The following TERT variants were observed in gnomAD, a reference collection of about 807,000 sequenced individuals.
TERT encodes the protein telomerase catalytic subunit.
Under a neutral mutation model 104.0 loss-of-function variants are expected in TERT, and 42 were observed. The ratio of observed to expected loss-of-function variants is 0.40; its 90% CI spans 0.32 to 0.52. TERT has a LOEUF of 0.52. TERT is among the 20% of genes least tolerant of loss of function. TERT has a pLI of 0.43. For synonymous variants in TERT, 781 were observed against 725.6 expected (o/e 1.08, Z -1.23); for missense variants, 1,101 against 1,610.3 (o/e 0.68, Z 5.41).
At position 1,255,334 on chromosome 5, in the gene TERT, G is replaced by C. The variant is rs1060503001; in HGVS notation, c.3110C>G (p.Ser1037Cys). 24 of 1,614,212 alleles carry C rather than the reference G, an allele frequency of 1.5e-5. No individual in the cohort carries two copies. The highest frequency in any genetic ancestry group is 1.9e-5 in the Non-Finnish European group (23 of 1,180,028). The change falls in exon 14 of 16, where the codon TCT (serine) becomes TGT (cysteine). Residue 1037 changes from serine (S) to cysteine (C), a missense_variant. Physicochemically the swap from Ser to Cys is moderately radical, Grantham distance 112 (BLOSUM62 -1). Around this residue, in one of 5 missense-constraint regions of TERT, gnomAD observed 463 missense variants for 797.5 expected, o/e 0.58. Transcript: ENST00000310581. The surrounding 1 kb of genome is among the most constrained non-coding windows in gnomAD (Gnocchi z 6.9). ...GGAGTAGCAGAGGGAGGCCGTGTCAGAGATGACGCGCAGGAAAAATGTGGG... is the reference window on the plus strand; with the variant it reads ...GGAGTAGCAGAGGGAGGCCGTGTCACAGATGACGCGCAGGAAAAATGTGGG... ...KNPTFFLRVI[S>C]DTASLCYSIL...
chr5:1,272,326 G>A (rs531673988), intron 6 of TERT, 46 bp from the exon 7 acceptor site: 34 of 1,497,090 alleles, frequency 2.3e-5, no homozygotes, highest in Non-Finnish European at 2.6e-5. Flanking sequence ...GGCCTGCCCC[G>A]GCCAGAGCTG....
chr5:1,271,958 C>A (rs1457469409), intron 7 of TERT, among the ~76,000 whole-genome samples: 1 of 152,260 alleles, frequency 6.6e-6, no homozygotes, highest in Non-Finnish European at 1.5e-5. Context: ...TGGAGAGAGG[C>A]CGCGCAGTCA....
In TERT at chr5:1,292,165, C is replaced by T. The variant is rs2126681193; in HGVS notation, c.1573+1148G>A. On this transcript the variant is annotated intron_variant, in intron 2 of 15. Coordinates refer to ENST00000310581, the MANE Select transcript of TERT (RefSeq NM_198253.3). This position sits in a 1 kb window ranked among gnomAD's most constrained non-coding sequence, Gnocchi z 5.5. ...AAAGAGCCCCAAGAAGGTCACCCTCCTTGTCTGCATGGCCGGAAGTCTTAC... is the reference window on the plus strand; with the variant it reads ...AAAGAGCCCCAAGAAGGTCACCCTCTTTGTCTGCATGGCCGGAAGTCTTAC... 6.6e-6 allele frequency among the ~76,000 whole-genome samples: 1 copy of T among 152,262 alleles called. No homozygotes were observed. The highest frequency in any genetic ancestry group is 1.9e-4 in the East Asian group (1 of 5,192).
Position 1,269,612 on chromosome 5 carries a change from CAA to C in TERT, c.2469-981_2469-980del, listed in dbSNP as rs773733492. On this transcript the variant is annotated intron_variant, in intron 8 of 15. Coordinates refer to ENST00000310581, the MANE Select transcript of TERT (RefSeq NM_198253.3). This position sits in a 1 kb window ranked among gnomAD's most constrained non-coding sequence, Gnocchi z 9.0. The stretch of plus-strand genomic sequence containing the variant: ...GGCAGACAACAGTGACGTTCCGTCT[CAA>C]AAAAAAAAAAAGAAAGAAAAGAAAA... 3.2e-5 allele frequency among the ~76,000 whole-genome samples: 4 copies of C among 123,744 alleles called. No individual in the cohort carries two copies. Among genetic ancestry groups the C allele is most frequent in the African/African-American group, 3.0e-5 (1 of 33,690 alleles). The allele number at this position is 123,744 out of a possible 152,430, so 81.2% of individuals were successfully genotyped here. A position where few individuals can be genotyped will look rare whatever the true frequency, so the allele number is the denominator to read the frequency against.
chr5:1,261,958 G>A lies in TERT; in HGVS notation c.2844-1358C>T, dbSNP rs982994081. Among the ~76,000 whole-genome samples the A allele has an allele frequency of 5.9e-5, 9 of 152,164 alleles. No homozygotes were observed. The highest frequency in any genetic ancestry group is 2.1e-4 in the South Asian group (1 of 4,828). ...ATGAATGTGCAGGACCTCACAGGGC[G>A]CCTTAAATAAATCACGTGCACAAAC... On this transcript the variant is annotated intron_variant, in intron 11 of 15. Transcript: ENST00000310581. This position sits in a 1 kb window ranked among gnomAD's most constrained non-coding sequence, Gnocchi z 7.4.
At chr5:1,260,396 G>GCA in intron 12 of TERT, 78 bp downstream of exon 12, 1 of 1,592,616 alleles carries the variant, frequency 6.3e-7, no homozygotes, top group Non-Finnish European at 8.6e-7. Flanking sequence ...TTGCAGGCAC[G>GCA]CGCGCACACA....
chr5:1,255,545 C>T lies in TERT; in HGVS notation c.3033-134G>A. 1.8e-6 allele frequency: 2 copies of T among 1,104,110 alleles called. No individual in the cohort carries two copies. The highest frequency in any genetic ancestry group is 2.7e-6 in the Non-Finnish European group (2 of 739,288). The allele number at this position is 1,104,110 out of a possible 1,614,324, so 68.4% of individuals were successfully genotyped here. A position where few individuals can be genotyped will look rare whatever the true frequency, so the allele number is the denominator to read the frequency against. On this transcript the variant is annotated intron_variant, in intron 13 of 15. Coordinates refer to ENST00000310581, the MANE Select transcript of TERT (RefSeq NM_198253.3). This position sits in a 1 kb window ranked among gnomAD's most constrained non-coding sequence, Gnocchi z 6.9. Reference sequence around the variant, plus strand: ...ATGGGTTTCCTCATGGGCACAGGTGCACACACACGGATGCATGCATGCATG... The same window carrying T: ...ATGGGTTTCCTCATGGGCACAGGTGTACACACACGGATGCATGCATGCATG...
In TERT at chr5:1,293,866, C is replaced by A. The variant is rs1325482375; in HGVS notation, c.1020G>T (p.Gln340His). The change falls in exon 2 of 16, where the codon CAG becomes CAT. Residue 340 changes from glutamine (Q) to histidine (H), a missense_variant. By Grantham distance (24) the Gln-to-His change is conservative. Transcript: ENST00000310581. ...HFLYSSGDKE[Q>H]LRPSFLLSSL... Reference sequence around the variant, plus strand: ...AGCTGAGTAGGAAGGAGGGCCGCAGCTGCTCCTTGTCGCCTGAGGAGTAGA... The same window carrying A: ...AGCTGAGTAGGAAGGAGGGCCGCAGATGCTCCTTGTCGCCTGAGGAGTAGA... 1 of 1,545,550 alleles carries A rather than the reference C, an allele frequency of 6.5e-7. No homozygotes were observed. The highest frequency in any genetic ancestry group is 1.4e-5 in the African/African-American group (1 of 73,060).
intron 2 of TERT, among the ~76,000 whole-genome samples, chr5:1,290,283 G>A (rs1750805494): frequency 1.5e-5 from 1 of 65,502 alleles, no homozygotes; most frequent in African/African-American, 1.1e-4. Flanking sequence ...CCCTGAACGT[G>A]ACAGGGACAC....
intron 4 of TERT, 151 bp downstream of exon 4, chr5:1,280,007 C>A: frequency 9.5e-7 from 1 of 1,054,230 alleles, no homozygotes; most frequent in Non-Finnish European, 1.4e-6. Flanking sequence ...ACCTCGGCCA[C>A]CTCACTGTGC....
intron 10 of TERT, among the ~76,000 whole-genome samples, 173 bp downstream of exon 10, chr5:1,266,291 G>A (rs551261129): frequency 5.9e-5 from 9 of 152,340 alleles, no homozygotes; most frequent in East Asian, 3.9e-4. Context: ...GTGCCCCTGC[G>A]CCCCCAGGCC....
Position 1,254,317 on chromosome 5 carries a change from AG to A in TERT, c.3295+50del, listed in dbSNP as rs777777833. ...CTGCTCGCCCCACACAGGGCGTTCA[AG>A]GATGACCCCTGGGCAGGTGGGGCCC... On this transcript the variant is annotated intron_variant, in intron 15 of 15. Coordinates refer to ENST00000310581, the MANE Select transcript of TERT (RefSeq NM_198253.3). The A allele has an allele frequency of 1.2e-6, 2 of 1,611,956 alleles. 1 individual carries two copies. Among genetic ancestry groups the A allele is most frequent in the South Asian group, 2.2e-5 (2 of 90,938 alleles).
chr5:1,254,597 G>A (rs1747584197), intron 14 of TERT, 92 bp from the exon 15 acceptor site: 10 of 1,474,402 alleles, frequency 6.8e-6, no homozygotes, highest in Non-Finnish European at 9.2e-6. Context: ...ACGGTCTGCG[G>A]GGTGGCTCCA....
Position 1,265,412 on chromosome 5 carries a change from C to T in TERT, c.2655-820G>A, listed in dbSNP as rs1218331273. Among the ~76,000 whole-genome samples, 2 of 152,156 alleles carry T rather than the reference C, an allele frequency of 1.3e-5. No homozygotes were observed. Among genetic ancestry groups the T allele is most frequent in the Non-Finnish European group, 2.9e-5 (2 of 68,026 alleles). Reference sequence around the variant, plus strand: ...GACAGAGTTCTGCCCCCGGTGGGACCCCAACATACACTCTGAGCCACCTCC... The same window carrying T: ...GACAGAGTTCTGCCCCCGGTGGGACTCCAACATACACTCTGAGCCACCTCC... On this transcript the variant is annotated intron_variant, in intron 10 of 15. Transcript: ENST00000310581. This position sits in a 1 kb window ranked among gnomAD's most constrained non-coding sequence, Gnocchi z 6.9.
rs1224148602 is a variant in TERT, at chr5:1,264,401, C to T, written c.2843+3G>A. 1 of 1,611,190 alleles carries T rather than the reference C, an allele frequency of 6.2e-7. No homozygotes were observed. The highest frequency in any genetic ancestry group is 2.2e-5 in the East Asian group (1 of 44,814). The stretch of plus-strand genomic sequence containing the variant: ...GGCTCCACTTCCGGCCAGGTGCGCT[C>T]ACCTGGAGTAGTCGCTCTGCACCTC... On this transcript the variant is annotated splice_donor_region_variant and intron_variant, in intron 11 of 15. Coordinates refer to ENST00000310581, the MANE Select transcript of TERT (RefSeq NM_198253.3).
rs1320338323 is a variant in TERT, at chr5:1,262,306, T to A, written c.2844-1706A>T. Among the ~76,000 whole-genome samples the A allele has an allele frequency of 6.6e-6, 1 of 152,178 alleles. No individual in the cohort carries two copies. Among genetic ancestry groups the A allele is most frequent in the African/African-American group, 2.4e-5 (1 of 41,432 alleles). ...TCCATCAGCTGTGCCACATACCACA[T>A]TAACACACGTTTCTGAGAGATAGGG... On this transcript the variant is annotated intron_variant, in intron 11 of 15. Coordinates refer to ENST00000310581, the MANE Select transcript of TERT (RefSeq NM_198253.3). This position sits in a 1 kb window ranked among gnomAD's most constrained non-coding sequence, Gnocchi z 5.6.
chr5:1,273,462 C>T (rs868756142), intron 6 of TERT, among the ~76,000 whole-genome samples: 57 of 51,500 alleles, frequency 1.1e-3, no homozygotes, highest in African/African-American at 1.6e-3. Context: ...TGTGACCGAT[C>T]GCCATCCACA....
rs986347678 is a variant in TERT at position 1,286,188 on chromosome 5, G to A, written c.1574-3564C>T. Among the ~76,000 whole-genome samples, 11 of 152,164 alleles carry A rather than the reference G, an allele frequency of 7.2e-5. No homozygotes were observed. Among genetic ancestry groups the A allele is most frequent in the African/African-American group, 1.4e-4 (6 of 41,438 alleles). ...ACGGGCCAAGATGACCGCCCTCCTC[G>A]TGAGTCTCCACATCTTCATCTGTGC... On this transcript the variant is annotated intron_variant, in intron 2 of 15. Coordinates refer to ENST00000310581, the MANE Select transcript of TERT (RefSeq NM_198253.3). The surrounding 1 kb of genome is among the most constrained non-coding windows in gnomAD (Gnocchi z 5.3).
Position 1,270,618 on chromosome 5 carries a change from A to G in TERT, c.2468+501T>C, listed in dbSNP as rs1450142387. On this transcript the variant is annotated intron_variant, in intron 8 of 15. Coordinates refer to ENST00000310581, the MANE Select transcript of TERT (RefSeq NM_198253.3). The surrounding 1 kb of genome is among the most constrained non-coding windows in gnomAD (Gnocchi z 8.3). The stretch of plus-strand genomic sequence containing the variant: ...CCGAGAGGAGCAAACTACACGGTCA[A>G]CCCCGCACTTTCCAGATGGGAAATC... Among the ~76,000 whole-genome samples the G allele has an allele frequency of 6.6e-6, 1 of 152,158 alleles. No homozygotes were observed. The highest frequency in any genetic ancestry group is 2.4e-5 in the African/African-American group (1 of 41,432).
Sources: gnomAD v4.1 joint callset for allele counts (sites outside exome capture counted in the v4.1 genomes callset) on GRCh38, gnomAD v4.1.1 for gene constraint, gnomAD v4.1.1 regional missense constraint, Gnocchi (gnomAD v3.1) non-coding constraint, MANE v1.5 for transcripts, NCBI Gene and HGNC (gene_info 2026-07-23, HGNC 2026-07-21) for gene names.